Variants in TMEM185A observed in about 807,000 individuals in gnomAD.
TMEM185A encodes family with sequence similarity 11, member A.
TMEM185A carries 9 observed loss-of-function variants against 25.0 expected under a neutral mutation model. The ratio of observed to expected loss-of-function variants is 0.36; its 90% confidence interval spans 0.22 to 0.63. The LOEUF is 0.63. Among genes scored for constraint, TMEM185A ranks in the 20% least tolerant of loss-of-function variants. The pLI is 0.68. For synonymous variants in TMEM185A, 45 were observed against 93.5 expected, an observed-to-expected ratio of 0.48 and a Z score of 2.99; for missense variants, 103 against 237.4, an observed-to-expected ratio of 0.43 and a Z score of 3.72.
At chrX:149,604,319 C>T (rs2090034031) in intron 3 of TMEM185A, among the ~76,000 whole-genome samples, 2 of 108,620 alleles carry the variant, frequency 1.8e-5, no homozygotes, top group South Asian at 7.5e-4. Flanking sequence ...GGCCTGAGCA[C>T]AGATGAGAAC....
intron 1 of TMEM185A, among the ~76,000 whole-genome samples, chrX:149,615,909 TG>T (rs2090107948): frequency 8.9e-6 from 1 of 112,303 alleles, no homozygotes; most frequent in Admixed American, 9.4e-5. Context: ...TTCCAGAGGC[TG>T]GAAGTTGGAG....
At chrX:149,624,771 A>T (rs1444292705) in intron 1 of TMEM185A, among the ~76,000 whole-genome samples, 1 of 112,122 alleles carries the variant, frequency 8.9e-6, no homozygotes, top group Admixed American at 9.4e-5. Context: ...ACCAGTAGAT[A>T]CAAAAAAGCA....
intron 3 of TMEM185A, chrX:149,608,363 T>C (rs1050898914): frequency 4.4e-6 from 1 of 227,979 alleles, no homozygotes; most frequent in African/African-American, 3.0e-5. Context: ...CGGAGTTTCA[T>C]TCTGTCACCC....
At chrX:149,610,893 G>A (rs1477530366) in intron 2 of TMEM185A, among the ~76,000 whole-genome samples, 3 of 112,195 alleles carry the variant, frequency 2.7e-5, no homozygotes, top group Non-Finnish European at 5.6e-5. Context: ...GGGACTAGGA[G>A]GGTGGGACAA....
intron 1 of TMEM185A, among the ~76,000 whole-genome samples, chrX:149,617,442 C>A (rs1302447941): frequency 9.0e-6 from 1 of 111,393 alleles, no homozygotes; most frequent in African/African-American, 3.3e-5. Context: ...TCAGAGACAT[C>A]CCATCAAAGA....
At chrX:149,619,155 C>T (rs1487510143) in intron 1 of TMEM185A, among the ~76,000 whole-genome samples, 5 of 111,874 alleles carry the variant, frequency 4.5e-5, no homozygotes, top group African/African-American at 1.6e-4. Flanking sequence ...TCTTTTATCC[C>T]AGCATTATTG....
chrX:149,610,963 G>A (rs781998453), intron 2 of TMEM185A, among the ~76,000 whole-genome samples: 2 of 111,627 alleles, frequency 1.8e-5, no homozygotes, highest in East Asian at 5.6e-4. Flanking sequence ...AACATAATAT[G>A]AGTGTCTTTT....
chrX:149,599,505 G>GGGCCCCCCCCC, intron 6 of TMEM185A, 49 bp downstream of exon 6: 1 of 838,737 alleles, frequency 1.2e-6, no homozygotes, highest in Non-Finnish European at 1.6e-6. Flanking sequence ...CCACCCCCTG[G>GGGCCCCCCCCC]TCCCCCCCCA....
chrX:149,602,272 C>T (rs1021396790), intron 4 of TMEM185A: 16 of 111,981 alleles, frequency 1.4e-4, no homozygotes, highest in Middle Eastern at 4.6e-3. Context: ...ATTTCTCTCT[C>T]GTATGGACCA....
rs1373035234 is a variant in TMEM185A at position 149,625,270 on chromosome X, CAA to C, written c.38+6271_38+6272del. On this transcript the variant is annotated intron_variant, in intron 1 of 6. Transcript: ENST00000600449. ...TCAATCCACGGTCTCTCCTGTACAACAAAGACTTCCCAGTGGTAGATGTCTAT... is the reference window on the plus strand; with the variant it reads ...TCAATCCACGGTCTCTCCTGTACAACAGACTTCCCAGTGGTAGATGTCTAT... Among the ~76,000 whole-genome samples the C allele has an allele frequency of 1.4e-4, 16 of 112,102 alleles. No homozygotes were observed. In the Admixed American group the frequency reaches 1.5e-3, roughly 11 times the overall value.
At chrX:149,631,377 C>T in intron 1 of TMEM185A, 166 bp downstream of exon 1, 1 of 275,342 alleles carries the variant, frequency 3.6e-6, no homozygotes, top group Non-Finnish European at 5.0e-6. Flanking sequence ...GGCGCCGAGG[C>T]CGACTGTTTT....
At chrX:149,609,967 AG>A (rs1557354280) in intron 2 of TMEM185A, among the ~76,000 whole-genome samples, 1 of 111,917 alleles carries the variant, frequency 8.9e-6, no homozygotes, top group African/African-American at 3.3e-5. Context: ...ACAGCCACAC[AG>A]GTCATCAATC....
intron 1 of TMEM185A, among the ~76,000 whole-genome samples, chrX:149,623,488 T>C (rs1348610474): frequency 4.5e-5 from 5 of 111,580 alleles, no homozygotes; most frequent in Non-Finnish European, 7.5e-5. Context: ...TCATTTTCAA[T>C]ACTGATTTGT....
chrX:149,627,645 C>G (rs1557356183), intron 1 of TMEM185A, among the ~76,000 whole-genome samples: 1 of 112,386 alleles, frequency 8.9e-6, no homozygotes, highest in African/African-American at 3.2e-5. Flanking sequence ...CTGCTCGAGA[C>G]AGAATTAGTA....
intron 1 of TMEM185A, among the ~76,000 whole-genome samples, chrX:149,617,338 C>T (rs1337483697): frequency 8.9e-6 from 1 of 111,796 alleles, no homozygotes; most frequent in Admixed American, 9.5e-5. Flanking sequence ...TCTGAAAACA[C>T]GTATCTGACA....
intron 1 of TMEM185A, among the ~76,000 whole-genome samples, chrX:149,612,730 CA>C (rs1183878372): frequency 3.6e-5 from 4 of 111,929 alleles, no homozygotes; most frequent in Non-Finnish European, 5.6e-5. Flanking sequence ...GAATGCTTAT[CA>C]GGGGACTCTG....
At chrX:149,610,452 A>G (rs2090076832) in intron 2 of TMEM185A, among the ~76,000 whole-genome samples, 1 of 106,775 alleles carries the variant, frequency 9.4e-6, no homozygotes, top group Admixed American at 1.0e-4. Context: ...AAAAAAAAAA[A>G]AAAAAAGGTG....
intron 1 of TMEM185A, 106 bp downstream of exon 1, chrX:149,631,437 C>T: frequency 1.0e-6 from 1 of 962,290 alleles, no homozygotes; most frequent in Non-Finnish European, 1.4e-6. Context: ...GCGCCCGGGT[C>T]CTCGGGCTGC....
chrX:149,608,864 C>G, intron 2 of TMEM185A, 30 bp from the exon 3 acceptor site: 1 of 1,165,529 alleles, frequency 8.6e-7, no homozygotes, highest in Non-Finnish European at 1.2e-6. Context: ...AGAAAACACC[C>G]TCAGTTCAGA....
Sources: gnomAD v4.1 joint callset for allele counts (sites outside exome capture counted in the v4.1 genomes callset) on GRCh38, gnomAD v4.1.1 for gene constraint, MANE v1.5 for transcripts, NCBI Gene and HGNC (gene_info 2026-07-23, HGNC 2026-07-21) for gene names.